The following SHPRH variants were observed in gnomAD, a reference collection of about 807,000 sequenced individuals.
The protein encoded by SHPRH is SNF2 histone linker PHD RING helicase.
In SHPRH, 106 loss-of-function variants were observed where a neutral mutation model predicts 202.5. The observed-to-expected ratio is 0.52, with a 90% CI of 0.45 to 0.62. SHPRH has a LOEUF of 0.62. Ranked by LOEUF, SHPRH falls within the 20% of genes least tolerant of loss-of-function variation. SHPRH has a pLI of 0.00. For synonymous variants in SHPRH, 729 were observed against 686.0 expected, an observed-to-expected ratio of 1.06 and a Z score of -0.98; for missense variants, 1,710 against 2,020.0, an observed-to-expected ratio of 0.85 and a Z score of 2.94.
chr6:145,956,499 C>T (rs975731642), intron 1 of SHPRH, among the ~76,000 whole-genome samples: 1 of 151,908 alleles, frequency 6.6e-6, no homozygotes, highest in South Asian at 2.1e-4. Context: ...AAAAAAAGAT[C>T]AACAAAAGCC....
rs1418426550 is a variant in SHPRH at position 145,919,457 on chromosome 6, C to T, written c.4043G>A (p.Arg1348His). Residue 1348 changes from arginine (R) to histidine (H), a missense_variant, in exon 22 of 30, where the codon CGT becomes CAT. Physicochemically the swap from Arg to His is conservative, Grantham distance 29 (BLOSUM62 0). Transcript: ENST00000275233. ...TGCAAGTTCATCAACAGCAGACACACGATTCCTCAGAGCCATCCAATATTC... is the reference window on the plus strand; with the variant it reads ...TGCAAGTTCATCAACAGCAGACACATGATTCCTCAGAGCCATCCAATATTC... ...LHEYWMALRN[R>H]VSAVDELAMA... 4 of 1,612,930 alleles carry T rather than the reference C, an allele frequency of 2.5e-6. No homozygotes were observed. The highest frequency in any genetic ancestry group is 3.4e-6 in the Non-Finnish European group (4 of 1,179,292).
chr6:145,916,263 A>G (rs1453260557), intron 23 of SHPRH, among the ~76,000 whole-genome samples: 1 of 152,098 alleles, frequency 6.6e-6, no homozygotes, highest in Non-Finnish European at 1.5e-5. Flanking sequence ...AGCATTCCAA[A>G]TCCAAAAATC....
intron 25 of SHPRH, among the ~76,000 whole-genome samples, chr6:145,897,424 A>G (rs753570619): frequency 1.3e-5 from 2 of 152,108 alleles, no homozygotes; most frequent in Non-Finnish European, 2.9e-5. Flanking sequence ...AAAGCATAGG[A>G]ACTAGTGGTT....
intron 2 of SHPRH, among the ~76,000 whole-genome samples, chr6:145,875,423 G>A (rs977843012): frequency 6.6e-6 from 1 of 152,180 alleles, no homozygotes; most frequent in Non-Finnish European, 1.5e-5. Flanking sequence ...GGCCATAGCC[G>A]TTCCACAGCT....
At chr6:145,887,913 G>C (rs1456797585) in intron 29 of SHPRH, 107 bp downstream of exon 29, 2 of 829,894 alleles carry the variant, frequency 2.4e-6, no homozygotes, top group South Asian at 1.6e-5. Flanking sequence ...TTTTAAAAAC[G>C]TATTTGTGCT....
chr6:145,931,819 C>T (rs1249636808), intron 14 of SHPRH, among the ~76,000 whole-genome samples: 1 of 151,998 alleles, frequency 6.6e-6, no homozygotes, highest in Non-Finnish European at 1.5e-5. Context: ...ATCCACGTCT[C>T]CCCACACAGA....
chr6:145,894,418 TTG>T (rs1257170440), intron 26 of SHPRH, among the ~76,000 whole-genome samples, 182 bp from the exon 27 acceptor site: 2 of 116,656 alleles, frequency 1.7e-5, no homozygotes, highest in African/African-American at 7.2e-5. Flanking sequence ...GTAATTTTGT[TTG>T]TTTTTTTTTT....
chr6:145,913,167 T>C (rs1783650817), intron 24 of SHPRH, among the ~76,000 whole-genome samples: 1 of 152,302 alleles, frequency 6.6e-6, no homozygotes, highest in East Asian at 1.9e-4. Context: ...TGAATAACTA[T>C]GTTAACCTGA....
chr6:145,960,003 G>T (rs2128811706), intron 1 of SHPRH, among the ~76,000 whole-genome samples: 1 of 152,332 alleles, frequency 6.6e-6, no homozygotes, highest in South Asian at 2.1e-4. Flanking sequence ...TAGCTTATCA[G>T]TTAACTACTG....
rs113794110 is a variant in SHPRH, at chr6:145,939,400, A to G, written c.2569+1323T>C. Among the ~76,000 whole-genome samples the G allele has an allele frequency of 8.0e-3, 1,211 of 152,314 alleles. 10 individuals are homozygous for G. Among genetic ancestry groups the G allele is most frequent in the African/African-American group, 0.028 (1,145 of 41,568 alleles). On this transcript the variant is annotated intron_variant, in intron 11 of 29. Transcript: ENST00000275233. ...ATTTATATCTCAATGAAGTCCAAAT[A>G]GCTCATTAAAGTTGGTTTTTAAAAA... is the stretch of plus-strand genomic sequence containing the variant.
At chr6:145,941,594 C>G (rs1360706636) in intron 10 of SHPRH, 29 bp downstream of exon 10, 1 of 1,609,988 alleles carries the variant, frequency 6.2e-7, no homozygotes, top group Non-Finnish European at 8.5e-7. Flanking sequence ...TCTTCCCCAG[C>G]CCTCAAAAGA....
chr6:145,862,001 CA>C (rs1181111416), downstream of SHPRH, among the ~76,000 whole-genome samples: 1 of 152,098 alleles, frequency 6.6e-6, no homozygotes, highest in East Asian at 1.9e-4. Flanking sequence ...TGTCAGGGAC[CA>C]GGGGTGGGAG....
intron 25 of SHPRH, among the ~76,000 whole-genome samples, chr6:145,902,210 G>A (rs1196736901): frequency 6.6e-6 from 1 of 152,048 alleles, no homozygotes; most frequent in African/African-American, 2.4e-5. Context: ...AAAGAGTAGA[G>A]ACCCACTAGC....
downstream of SHPRH, chr6:145,881,506 T>C (rs1323887626): frequency 6.6e-6 from 1 of 152,216 alleles, no homozygotes; most frequent in South Asian, 2.1e-4. Flanking sequence ...TGGAAACTGA[T>C]GGTCTATGGC....
chr6:145,940,940 T>C (rs1454866364), intron 10 of SHPRH, 139 bp from the exon 11 acceptor site: 7 of 769,910 alleles, frequency 9.1e-6, no homozygotes, highest in Middle Eastern at 2.4e-4. Context: ...TTAACAGTTA[T>C]CACACTCAAT....
intron 11 of SHPRH, among the ~76,000 whole-genome samples, chr6:145,939,408 A>G (rs1314619888): frequency 6.6e-6 from 1 of 152,236 alleles, no homozygotes; most frequent in East Asian, 1.9e-4. Flanking sequence ...ATAGCTCATT[A>G]AAGTTGGTTT....
At chr6:145,936,935 G>T (rs1786139220) in intron 11 of SHPRH, among the ~76,000 whole-genome samples, 1 of 149,822 alleles carries the variant, frequency 6.7e-6, no homozygotes, top group Non-Finnish European at 1.5e-5. Context: ...AACTCAACTT[G>T]CCGAAATCTC....
exon 3 of SHPRH, chr6:145,864,267 C>T: frequency 8.5e-6 from 2 of 235,726 alleles, no homozygotes; most frequent in Non-Finnish European, 9.2e-6. Context: ...ATGTTTATTC[C>T]TTACAGACAT....
chr6:145,914,250 C>A (rs1783752632), intron 23 of SHPRH, among the ~76,000 whole-genome samples: 1 of 152,062 alleles, frequency 6.6e-6, no homozygotes, highest in South Asian at 2.1e-4. Flanking sequence ...CTGGGCTGAG[C>A]TGAGGGCTCT....
Sources: allele counts gnomAD v4.1 joint callset (sites outside exome capture counted in the v4.1 genomes callset), GRCh38; gene constraint gnomAD v4.1.1; transcripts MANE v1.5; gene names NCBI Gene and HGNC (gene_info 2026-07-23, HGNC 2026-07-21).